Variants in SGMS1 observed in about 807,000 individuals in gnomAD.
SGMS1 encodes phosphatidylcholine:ceramide cholinephosphotransferase 1.
A neutral mutation model predicts 46.2 loss-of-function variants in SGMS1; 13 were observed. The observed-to-expected ratio is 0.28, with a 90% CI of 0.18 to 0.45. The LOEUF (loss-of-function observed/expected upper bound fraction) is 0.45. Ranked by LOEUF, SGMS1 falls within the 20% of genes least tolerant of loss-of-function variation. The pLI is 1.00. For missense variants in SGMS1, 324 were observed against 519.9 expected (o/e 0.62, Z 3.66); for synonymous variants, 203 against 187.8 (o/e 1.08, Z -0.66).
At chr10:50,352,120 T>C (rs1156463249) in intron 6 of SGMS1, among the ~76,000 whole-genome samples, 2 of 152,234 alleles carry the variant, frequency 1.3e-5, no homozygotes, top group Non-Finnish European at 2.9e-5. Flanking sequence ...ACATGCTGTT[T>C]TCCTGCAACT....
intron 6 of SGMS1, among the ~76,000 whole-genome samples, chr10:50,410,769 TGGTAATGCCGCCCTAGG>T (rs1849085025): frequency 6.6e-6 from 1 of 152,200 alleles, no homozygotes; most frequent in Non-Finnish European, 1.5e-5. Flanking sequence ...TATGGAGACC[TGGTAATGCCGCCCTAGG>T]GGTAAGGCAC....
chr10:50,623,477 G>T, intron 1 of SGMS1: 3 of 724,048 alleles, frequency 4.1e-6, no homozygotes, highest in African/African-American at 1.9e-5. Context: ...CCCCCTCCGA[G>T]CCCGGATCCC....
chr10:50,581,105 T>C (rs898862464), intron 2 of SGMS1, among the ~76,000 whole-genome samples: 1 of 152,166 alleles, frequency 6.6e-6, no homozygotes, highest in African/African-American at 2.4e-5. Flanking sequence ...TTGCTCTAGT[T>C]CAAAAATATT....
intron 8 of SGMS1, among the ~76,000 whole-genome samples, chr10:50,312,323 G>A (rs1847268407): frequency 1.5e-5 from 2 of 131,324 alleles, no homozygotes; most frequent in Non-Finnish European, 3.1e-5. Context: ...ATACATCAGT[G>A]AAGTGTGAGA....
chr10:50,574,960 G>GGTGTATATATATATAT (rs1838367676), intron 2 of SGMS1, among the ~76,000 whole-genome samples: 1 of 42,174 alleles, frequency 2.4e-5, no homozygotes, highest in Non-Finnish European at 4.5e-5. Flanking sequence ...AGGAAAATGT[G>GGTGTATATATATATAT]GTGTATATAT....
chr10:50,351,911 G>A (rs1240793412), intron 6 of SGMS1, among the ~76,000 whole-genome samples: 1 of 152,130 alleles, frequency 6.6e-6, no homozygotes, highest in South Asian at 2.1e-4. Context: ...TGGTCTTCTT[G>A]TAACAACCTA....
At chr10:50,332,400 C>T (rs1463380100) in intron 7 of SGMS1, among the ~76,000 whole-genome samples, 3 of 152,058 alleles carry the variant, frequency 2.0e-5, no homozygotes, top group Non-Finnish European at 4.4e-5. Context: ...TCCTCTCTAT[C>T]CTATCCTTCT....
intron 2 of SGMS1, among the ~76,000 whole-genome samples, chr10:50,521,457 AGTT>A (rs1837856205): frequency 6.6e-6 from 1 of 152,196 alleles, no homozygotes; most frequent in African/African-American, 2.4e-5. Context: ...TAAATTTAAA[AGTT>A]ATATAATAGT....
chr10:50,593,629 C>G (rs543910849), intron 1 of SGMS1, among the ~76,000 whole-genome samples: 1 of 152,112 alleles, frequency 6.6e-6, no homozygotes, highest in East Asian at 1.9e-4. Flanking sequence ...TTCCTTGGCT[C>G]CTCTTTATGG....
At chr10:50,572,953 C>T (rs1838348731) in intron 2 of SGMS1, among the ~76,000 whole-genome samples, 1 of 152,126 alleles carries the variant, frequency 6.6e-6, no homozygotes, top group Admixed American at 6.5e-5. Context: ...CCAGGGTAAA[C>T]ATTCTATGTA....
chr10:50,586,349 C>A (rs1279085453), intron 2 of SGMS1, among the ~76,000 whole-genome samples: 2 of 152,198 alleles, frequency 1.3e-5, no homozygotes, highest in African/African-American at 4.8e-5. Flanking sequence ...ACGTTACCAG[C>A]CTGGCCCATG....
At chr10:50,476,875 A>G (rs149141361) in intron 3 of SGMS1, among the ~76,000 whole-genome samples, 53 of 152,372 alleles carry the variant, frequency 3.5e-4, no homozygotes, top group Non-Finnish European at 6.2e-4. Context: ...TTCCACCTAG[A>G]TTTCAGACAT....
intron 2 of SGMS1, among the ~76,000 whole-genome samples, chr10:50,559,042 G>C (rs1838211863): frequency 6.6e-6 from 1 of 152,062 alleles, no homozygotes; most frequent in South Asian, 2.1e-4. Flanking sequence ...AAGTCTCAAA[G>C]CTGCTGCAGA....
At chr10:50,450,078 T>C (rs911109763) in intron 5 of SGMS1, among the ~76,000 whole-genome samples, 21 of 152,162 alleles carry the variant, frequency 1.4e-4, no homozygotes, top group African/African-American at 5.1e-4. Context: ...AAACCATTAA[T>C]AGAATTTTTT....
chr10:50,586,362 A>T (rs1169047721), intron 2 of SGMS1, among the ~76,000 whole-genome samples: 1 of 152,144 alleles, frequency 6.6e-6, no homozygotes, highest in Non-Finnish European at 1.5e-5. Flanking sequence ...GGCCCATGTA[A>T]GCCTCTGAAT....
intron 5 of SGMS1, among the ~76,000 whole-genome samples, chr10:50,444,910 A>T (rs970822595): frequency 6.6e-6 from 1 of 152,244 alleles, no homozygotes; most frequent in Non-Finnish European, 1.5e-5. Flanking sequence ...GACAAAGTTA[A>T]GAAAATGAAA....
intron 3 of SGMS1, among the ~76,000 whole-genome samples, chr10:50,495,885 C>T (rs896547949): frequency 1.3e-5 from 2 of 151,964 alleles, no homozygotes; most frequent in East Asian, 1.9e-4. Flanking sequence ...CTGGGGAAGG[C>T]AAGGGAGAAC....
At chr10:50,415,876 C>T (rs1227711824) in intron 6 of SGMS1, among the ~76,000 whole-genome samples, 1 of 152,146 alleles carries the variant, frequency 6.6e-6, no homozygotes, top group East Asian at 1.9e-4. Flanking sequence ...GGTATGCACT[C>T]ACAAACAGGG....
intron 2 of SGMS1, among the ~76,000 whole-genome samples, chr10:50,568,790 C>A (rs755629139): frequency 2.0e-4 from 31 of 152,208 alleles, no homozygotes; most frequent in Non-Finnish European, 4.3e-4. Flanking sequence ...ACCAACGTGT[C>A]ATTTCTTTGT....
Sources: allele counts gnomAD v4.1 joint callset (sites outside exome capture counted in the v4.1 genomes callset), GRCh38; gene constraint gnomAD v4.1.1; transcripts MANE v1.5; gene names NCBI Gene and HGNC (gene_info 2026-07-23, HGNC 2026-07-21).